NEXMIF: variants seen among roughly 807,000 people sequenced by gnomAD.
The protein encoded by NEXMIF is XLMR protein related to neurite extension.
In NEXMIF, 8 loss-of-function variants were observed where a neutral mutation model predicts 62.1. The observed-to-expected ratio is 0.13, with a 90% CI of 0.08 to 0.23. The LOEUF is 0.23. Ranked by LOEUF, NEXMIF falls within the 10% of genes least tolerant of loss-of-function variation. The probability of loss-of-function intolerance (pLI) is 1.00; values close to 1 mark genes in which losing one functional copy is unlikely to be tolerated. For missense variants in NEXMIF, 976 were observed against 1,113.3 expected (o/e 0.88, Z 1.75); for synonymous variants, 404 against 416.6 (o/e 0.97, Z 0.37).
chrX:74,874,450 A>T (rs1379811144), intron 1 of NEXMIF, among the ~76,000 whole-genome samples: 1 of 109,635 alleles, frequency 9.1e-6, no homozygotes, highest in East Asian at 2.9e-4. Context: ...TTGTTCTTTT[A>T]GCTTAGGATT....
At chrX:74,852,032 TA>T (rs918683556) in intron 1 of NEXMIF, among the ~76,000 whole-genome samples, 5 of 109,106 alleles carry the variant, frequency 4.6e-5, no homozygotes, top group Admixed American at 9.7e-5. Flanking sequence ...TGAATGGATT[TA>T]AAAAAAAATG....
chrX:74,817,564 G>A (rs2080380078), intron 1 of NEXMIF, among the ~76,000 whole-genome samples: 2 of 111,960 alleles, frequency 1.8e-5, no homozygotes, highest in African/African-American at 6.5e-5. Flanking sequence ...CTTGCCTCCT[G>A]AAAATAGATT....
chrX:74,812,736 T>C (rs1295334125), intron 1 of NEXMIF, among the ~76,000 whole-genome samples: 2 of 111,569 alleles, frequency 1.8e-5, no homozygotes, highest in African/African-American at 3.3e-5. Flanking sequence ...GAGAAAGATA[T>C]CTGAAGAGTA....
intron 3 of NEXMIF, 161 bp downstream of exon 3, chrX:74,739,939 G>T: frequency 2.1e-6 from 1 of 472,245 alleles, no homozygotes; most frequent in Non-Finnish European, 3.5e-6. Flanking sequence ...GGATTTTCAT[G>T]CACTTTAAAA....
At chrX:74,803,571 A>AAAATAAAT (rs750643080) in intron 1 of NEXMIF, among the ~76,000 whole-genome samples, 27 of 108,817 alleles carry the variant, frequency 2.5e-4, no homozygotes, top group Non-Finnish European at 4.4e-4. Flanking sequence ...CTGTCTCAAA[A>AAAATAAAT]AAATAAATAA....
intron 1 of NEXMIF, among the ~76,000 whole-genome samples, chrX:74,832,843 T>C (rs189928714): frequency 3.6e-5 from 4 of 112,032 alleles, no homozygotes; most frequent in Non-Finnish European, 7.5e-5. Flanking sequence ...CAAGAAAATT[T>C]CCAATTTCCT....
intron 1 of NEXMIF, among the ~76,000 whole-genome samples, chrX:74,813,463 G>A (rs1361826576): frequency 8.9e-6 from 1 of 112,150 alleles, no homozygotes; most frequent in Non-Finnish European, 1.9e-5. Flanking sequence ...AGAGCCCAGT[G>A]CAATTGTACG....
rs1252171145 is a variant in NEXMIF, at chrX:74,743,215, T to C, written c.1342A>G (p.Ile448Val). Residue 448 changes from isoleucine to valine, a missense_variant, in exon 3 of 4, where the codon ATC becomes GTC. Coordinates refer to ENST00000055682, the MANE Select transcript of NEXMIF (RefSeq NM_001008537.3). ...ATCTCACCCATAGCATCATATGAGA[T>C]CTCAATGAAGGAACTATCATCACTG... Reference protein sequence around the residue: ...SFSDDSSFIEISYDAMGEIKD... With the variant: ...SFSDDSSFIEVSYDAMGEIKD... 1 of 1,209,140 alleles carries C rather than the reference T, an allele frequency of 8.3e-7. No individual in the cohort carries two copies. Among genetic ancestry groups the C allele is most frequent in the African/African-American group, 1.8e-5 (1 of 56,980 alleles).
At chrX:74,865,417 G>A (rs749418923) in intron 1 of NEXMIF, among the ~76,000 whole-genome samples, 2 of 111,972 alleles carry the variant, frequency 1.8e-5, no homozygotes, top group Non-Finnish European at 3.8e-5. Context: ...TCTGGCAGAA[G>A]AAATTTCTAA....
intron 1 of NEXMIF, among the ~76,000 whole-genome samples, chrX:74,819,472 C>G (rs1364325487): frequency 8.9e-6 from 1 of 111,876 alleles, no homozygotes; most frequent in Non-Finnish European, 1.9e-5. Context: ...CTACAAAGAA[C>G]TTAAACAAAT....
At chrX:74,747,593 A>C (rs1323985143) in intron 1 of NEXMIF, among the ~76,000 whole-genome samples, 1 of 111,465 alleles carries the variant, frequency 9.0e-6, no homozygotes, top group African/African-American at 3.3e-5. Flanking sequence ...TTAATGTACC[A>C]TGAAATATAT....
intron 1 of NEXMIF, among the ~76,000 whole-genome samples, chrX:74,789,610 A>G (rs1443567444): frequency 2.7e-5 from 3 of 110,644 alleles, no homozygotes; most frequent in Admixed American, 9.6e-5. Context: ...AACTGTTCCT[A>G]TTTCTCCACA....
intron 1 of NEXMIF, among the ~76,000 whole-genome samples, chrX:74,898,129 C>T (rs1229314549): frequency 9.0e-6 from 1 of 111,539 alleles, no homozygotes; most frequent in Non-Finnish European, 1.9e-5. Flanking sequence ...CCAGAGAGTA[C>T]ATTATGGAAA....
chrX:74,798,894 G>A (rs1337243318), intron 1 of NEXMIF, among the ~76,000 whole-genome samples: 2 of 104,003 alleles, frequency 1.9e-5, no homozygotes, highest in African/African-American at 7.1e-5. Flanking sequence ...GAAGAAAAAA[G>A]GAAAGATGTA....
chrX:74,793,892 A>T (rs1392154985), intron 1 of NEXMIF, among the ~76,000 whole-genome samples: 1 of 77,404 alleles, frequency 1.3e-5, no homozygotes, highest in Admixed American at 1.6e-4. Context: ...TTTTTTTCAA[A>T]GTTTTCAACT....
At chrX:74,815,198 A>G (rs1208013612) in intron 1 of NEXMIF, among the ~76,000 whole-genome samples, 1 of 112,027 alleles carries the variant, frequency 8.9e-6, no homozygotes, top group African/African-American at 3.2e-5. Flanking sequence ...TATTTTATGT[A>G]TCAAAGCTAA....
intron 1 of NEXMIF, among the ~76,000 whole-genome samples, chrX:74,896,032 G>A (rs2080731952): frequency 9.0e-6 from 1 of 110,949 alleles, no homozygotes; most frequent in Non-Finnish European, 1.9e-5. Context: ...ATAAGTAAAA[G>A]CCTGCCCCGT....
At chrX:74,825,624 G>C (rs1023452020) in intron 1 of NEXMIF, among the ~76,000 whole-genome samples, 1 of 111,891 alleles carries the variant, frequency 8.9e-6, no homozygotes, top group Non-Finnish European at 1.9e-5. Flanking sequence ...GCATGATCTC[G>C]GCTCATTGCA....
intron 1 of NEXMIF, among the ~76,000 whole-genome samples, chrX:74,911,785 A>G (rs1025585972): frequency 8.9e-6 from 1 of 112,432 alleles, no homozygotes; most frequent in Non-Finnish European, 1.9e-5. Flanking sequence ...TGTGTTATGA[A>G]ATATCTTAAC....
Sources: allele counts gnomAD v4.1 joint callset (sites outside exome capture counted in the v4.1 genomes callset), GRCh38; gene constraint gnomAD v4.1.1; transcripts MANE v1.5; gene names NCBI Gene and HGNC (gene_info 2026-07-23, HGNC 2026-07-21).